The following BRD10 variants were observed in gnomAD, a reference collection of about 807,000 sequenced individuals.
BRD10 encodes the protein bromodomain containing 10.
At chr9:5,964,800 G>C in the BRD10 span, among the ~76,000 whole-genome samples, 2 of 115,558 alleles carry the variant, frequency 1.7e-5, no homozygotes, top group African/African-American at 6.5e-5. Context: ...GTAAACTATC[G>C]CAAGAACAAA....
chr9:5,976,248 AT>A, the BRD10 span, among the ~76,000 whole-genome samples: 1 of 152,214 alleles, frequency 6.6e-6, no homozygotes, highest in Non-Finnish European at 1.5e-5. Flanking sequence ...AAATCAAATG[AT>A]TTAATCACGT....
chr9:5,913,976 T>TC, the BRD10 span: 1 of 450,698 alleles, frequency 2.2e-6, no homozygotes. Flanking sequence ...AAGAAGCACT[T>TC]TCTGCTATCA....
the BRD10 span, among the ~76,000 whole-genome samples, chr9:6,003,405 T>A: frequency 1.3e-4 from 20 of 152,202 alleles, no homozygotes; most frequent in Admixed American, 1.3e-3. Context: ...AATTTCCTAT[T>A]ATTTTCTATT....
the BRD10 span, among the ~76,000 whole-genome samples, chr9:5,952,143 C>T: frequency 6.6e-6 from 1 of 152,032 alleles, no homozygotes; most frequent in Non-Finnish European, 1.5e-5. Flanking sequence ...CTCTCAGCCT[C>T]CCGGGTAGAT....
the BRD10 span, among the ~76,000 whole-genome samples, chr9:6,002,009 C>T: frequency 2.0e-5 from 3 of 152,120 alleles, no homozygotes; most frequent in African/African-American, 4.8e-5. Context: ...TTTAGATGTC[C>T]TAGCAAAAAA....
At chr9:5,897,797 T>C in the BRD10 span, 80 of 746,006 alleles carry the variant, frequency 1.1e-4, no homozygotes, top group African/African-American at 1.2e-3. Context: ...TTTTGCTACA[T>C]TGTACTTTGG....
At chr9:5,957,635 G>A in the BRD10 span, among the ~76,000 whole-genome samples, 1 of 152,074 alleles carries the variant, frequency 6.6e-6, no homozygotes, top group Non-Finnish European at 1.5e-5. Context: ...TGAAAGGGAT[G>A]TAATCTGCTT....
the BRD10 span, chr9:5,897,577 TG>T: frequency 1.9e-6 from 3 of 1,614,052 alleles, no homozygotes; most frequent in African/African-American, 4.0e-5. Flanking sequence ...ATCGGCATCC[TG>T]ACAGTGATCC....
chr9:5,941,187 C>T, the BRD10 span, among the ~76,000 whole-genome samples: 2 of 151,616 alleles, frequency 1.3e-5, no homozygotes, highest in African/African-American at 4.9e-5. Context: ...GAAAGCAATA[C>T]TATCTAACAA....
At chr9:6,002,195 G>GC in the BRD10 span, among the ~76,000 whole-genome samples, 1 of 152,272 alleles carries the variant, frequency 6.6e-6, no homozygotes, top group South Asian at 2.1e-4. Context: ...GGTGGGGACT[G>GC]CCCCCCAAAC....
At chr9:6,007,995 G>T in the BRD10 span, 970 of 1,274,806 alleles carry the variant, frequency 7.6e-4, 2 homozygotes, top group Middle Eastern at 1.5e-3. Context: ...CGCGCGAGGA[G>T]GGGGGAGAGA....
chr9:5,893,555 G>C, the BRD10 span, among the ~76,000 whole-genome samples: 1 of 152,122 alleles, frequency 6.6e-6, no homozygotes, highest in Non-Finnish European at 1.5e-5. Flanking sequence ...TGGAGATGAG[G>C]GCGGCGGTAT....
chr9:6,006,347 C>G, the BRD10 span, among the ~76,000 whole-genome samples: 1 of 151,954 alleles, frequency 6.6e-6, no homozygotes, highest in South Asian at 2.1e-4. Context: ...AGTAAACAGT[C>G]AAACTACTAT....
chr9:5,954,099 T>C, the BRD10 span: 2 of 1,517,926 alleles, frequency 1.3e-6, no homozygotes, highest in Non-Finnish European at 9.0e-7. Flanking sequence ...TTTTTTCCTT[T>C]CAAGATTAAA....
At chr9:5,933,703 A>T in the BRD10 span, 4 of 447,722 alleles carry the variant, frequency 8.9e-6, no homozygotes, top group South Asian at 6.6e-5. Flanking sequence ...TTGTAAAAAG[A>T]AAAGCTGCAT....
the BRD10 span, among the ~76,000 whole-genome samples, chr9:5,886,145 T>G: frequency 2.0e-5 from 3 of 152,054 alleles, no homozygotes; most frequent in Admixed American, 6.5e-5. Flanking sequence ...CACAATATTG[T>G]GGGGAGCACT....
At chr9:5,956,948 T>C in the BRD10 span, among the ~76,000 whole-genome samples, 1 of 152,104 alleles carries the variant, frequency 6.6e-6, no homozygotes, top group African/African-American at 2.4e-5. Flanking sequence ...TTTTCAGAAA[T>C]GTCACCAACA....
At chr9:6,008,459 T>C in the BRD10 span, among the ~76,000 whole-genome samples, 2 of 151,276 alleles carry the variant, frequency 1.3e-5, no homozygotes, top group African/African-American at 4.9e-5. Context: ...AGAGGCCCTG[T>C]CGCCATCCCC....
At chr9:5,983,426 A>G in the BRD10 span, among the ~76,000 whole-genome samples, 21 of 152,246 alleles carry the variant, frequency 1.4e-4, no homozygotes, top group Non-Finnish European at 1.5e-5. Context: ...AATTTCCAAT[A>G]AAAATTACTG....
Sources: gnomAD v4.1 joint callset for allele counts (sites outside exome capture counted in the v4.1 genomes callset) on GRCh38, gnomAD v4.1.1 for gene constraint, MANE v1.5 for transcripts, NCBI Gene and HGNC (gene_info 2026-07-23, HGNC 2026-07-21) for gene names.